RCC1L: variants seen among roughly 807,000 people sequenced by gnomAD.
RCC1L encodes RCC1 like, also known as RCC1-like G exchanging factor-like protein.
RCC1L carries 46 observed loss-of-function variants against 58.6 expected under a neutral mutation model. The ratio of observed to expected loss-of-function variants is 0.79; its 90% confidence interval spans 0.62 to 1.00. The LOEUF is 1.00. Ranked by LOEUF, RCC1L falls within the 50% of genes least tolerant of loss-of-function variation. RCC1L has a pLI of 0.00. For missense variants in RCC1L, 636 were observed against 623.6 expected (o/e 1.02, Z -0.21); for synonymous variants, 281 against 262.9 (o/e 1.07, Z -0.67).
Position 75,073,534 on chromosome 7 carries a change from G to A in RCC1L, c.204C>T (p.Phe68=), listed in dbSNP as rs1376462327. 6.7e-7 allele frequency: 1 copy of A among 1,484,066 alleles called. No individual in the cohort carries two copies. Among genetic ancestry groups the A allele is most frequent in the Non-Finnish European group, 8.9e-7 (1 of 1,126,210 alleles). The allele number at this position is 1,484,066 out of a possible 1,614,324, so 91.9% of individuals were successfully genotyped here. A position where few individuals can be genotyped will look rare whatever the true frequency, so the allele number is the denominator to read the frequency against. The change falls in exon 1 of 11, where the codon TTC becomes TTT. Residue 68 remains phenylalanine (F), a synonymous_variant. Transcript: ENST00000610322. ...AGGAAGGCACGCCCAGCGCCCCCGA[G>A]AAGCTGAAGCCCCACACGAAGACGC... ...ADRVFVWGFS[F]SGALGVPSFV... is the part of the protein sequence containing the mutation.
chr7:75,030,859 G>A (rs1805283309), intron 10 of RCC1L, among the ~76,000 whole-genome samples: 1 of 152,188 alleles, frequency 6.6e-6, no homozygotes, highest in African/African-American at 2.4e-5. Flanking sequence ...TGCAGATGGT[G>A]TTCACAGGGA....
intron 4 of RCC1L, 24 bp from the exon 5 acceptor site, chr7:75,063,367 A>G (rs781817018): frequency 5.4e-5 from 87 of 1,613,550 alleles, no homozygotes; most frequent in African/African-American, 9.3e-5. Context: ...CAAATTGGGA[A>G]GAAGCAAGGG....
intron 10 of RCC1L, among the ~76,000 whole-genome samples, chr7:75,034,737 G>A (rs984231922): frequency 4.6e-5 from 7 of 151,778 alleles, no homozygotes; most frequent in African/African-American, 7.2e-5. Context: ...CTGCAGCCTC[G>A]AACTCCTGGT....
rs782384476 is a variant in RCC1L, at chr7:75,056,065, T to C, written c.1067A>G (p.His356Arg). ...TGCAVLNGEGHVFVWGYGILG... is the reference protein window; with the variant it reads ...TGCAVLNGEGRVFVWGYGILG... ...AATTCCATAGCCCCAGACAAAAACA[T>C]GTCCTTCTCCTACATTACAGTAAAA... is the stretch of plus-strand genomic sequence containing the variant. Residue 356 changes from histidine to arginine, a missense_variant, in exon 9 of 11, where the codon CAT becomes CGT. Coordinates refer to ENST00000610322, the MANE Select transcript of RCC1L (RefSeq NM_030798.5). 1.2e-6 allele frequency: 2 copies of C among 1,613,936 alleles called. No homozygotes were observed. The highest frequency in any genetic ancestry group is 4.5e-5 in the East Asian group (2 of 44,878).
At chr7:75,055,679 C>T in intron 9 of RCC1L, 1 of 603,518 alleles carries the variant, frequency 1.7e-6, no homozygotes, top group South Asian at 2.0e-5. Flanking sequence ...AGCCTACCCA[C>T]AAACCAAACG....
At chr7:75,051,353 C>CAT (rs1166805483) in intron 10 of RCC1L, among the ~76,000 whole-genome samples, 16 of 146,912 alleles carry the variant, frequency 1.1e-4, no homozygotes, top group East Asian at 2.0e-4. Flanking sequence ...TATACACACA[C>CAT]ACATATATAT....
intron 10 of RCC1L, among the ~76,000 whole-genome samples, chr7:75,033,676 C>T (rs1005921708): frequency 4.7e-5 from 7 of 148,886 alleles, no homozygotes; most frequent in African/African-American, 1.7e-4. Context: ...GCCTGGGCAA[C>T]AGGGCGAGTC....
intron 10 of RCC1L, among the ~76,000 whole-genome samples, chr7:75,051,995 C>G (rs1476139540): frequency 6.6e-6 from 1 of 151,958 alleles, no homozygotes; most frequent in Non-Finnish European, 1.5e-5. Flanking sequence ...TTCAAAAAAC[C>G]CCAAAAACCT....
At chr7:75,067,501 C>T (rs1419946019) in intron 2 of RCC1L, among the ~76,000 whole-genome samples, 3 of 151,816 alleles carry the variant, frequency 2.0e-5, no homozygotes, top group African/African-American at 4.8e-5. Context: ...TGATGGTGGA[C>T]GCCTGTAGTC....
At chr7:75,072,222 T>C (rs1806789350) in intron 1 of RCC1L, among the ~76,000 whole-genome samples, 1 of 113,972 alleles carries the variant, frequency 8.8e-6, no homozygotes, top group African/African-American at 3.0e-5. Context: ...AGATGAGTTC[T>C]CACTGTGTTA....
At position 75,042,888 on chromosome 7, in the gene RCC1L, G is replaced by T; in HGVS notation, c.*144C>A. 1.3e-6 allele frequency: 2 copies of T among 1,492,686 alleles called. No individual in the cohort carries two copies. Among genetic ancestry groups the T allele is most frequent in the East Asian group, 2.4e-5 (1 of 40,904 alleles). The allele number at this position is 1,492,686 out of a possible 1,614,324, so 92.5% of individuals were successfully genotyped here. A position where few individuals can be genotyped will look rare whatever the true frequency, so the allele number is the denominator to read the frequency against. On this transcript the variant is annotated 3_prime_UTR_variant, in exon 11 of 11. Transcript: ENST00000610322. Reference sequence around the variant, plus strand: ...GATCCTCCTGGTAGGTACCCGCTAAGGGATTCAGGACAGAGCGTCACACTG... The same window carrying T: ...GATCCTCCTGGTAGGTACCCGCTAATGGATTCAGGACAGAGCGTCACACTG...
intron 10 of RCC1L, among the ~76,000 whole-genome samples, chr7:75,045,974 A>AGG (rs1366614285): frequency 4.6e-5 from 7 of 152,262 alleles, no homozygotes; most frequent in Admixed American, 3.3e-4. Context: ...ACAGCTGGAA[A>AGG]GGGGATCTGT....
In RCC1L at chr7:75,073,781, C is replaced by A. The variant is rs587629766; in HGVS notation, c.-44G>T. Reference sequence around the variant, plus strand: ...GCAGCCTCTGGGCGCCGCCATCTTGCGTGACCCTTAACACCAGTCCTCGCC... The same window carrying A: ...GCAGCCTCTGGGCGCCGCCATCTTGAGTGACCCTTAACACCAGTCCTCGCC... On this transcript the variant is annotated 5_prime_UTR_variant, in exon 1 of 11. Coordinates refer to ENST00000610322, the MANE Select transcript of RCC1L (RefSeq NM_030798.5). The A allele has an allele frequency of 6.8e-5, 101 of 1,495,148 alleles. No individual in the cohort carries two copies. The East Asian group carries it at 2.2e-3, about 32-fold the overall frequency. 92.6% of individuals were successfully genotyped at this position (1,495,148 alleles called of 1,614,324 possible). A position where few individuals can be genotyped will look rare whatever the true frequency, so the allele number is the denominator to read the frequency against.
At chr7:75,051,159 C>A in intron 10 of RCC1L, among the ~76,000 whole-genome samples, 3 of 146,396 alleles carry the variant, frequency 2.0e-5, no homozygotes, top group Non-Finnish European at 1.5e-5. Flanking sequence ...TCAGAGCCTC[C>A]ACCGATAGTC....
At chr7:75,060,767 G>C (rs2131999032) in intron 6 of RCC1L, among the ~76,000 whole-genome samples, 1 of 152,150 alleles carries the variant, frequency 6.6e-6, no homozygotes. Context: ...CAGGGCTGAG[G>C]GGAATGGAAG....
intron 4 of RCC1L, 102 bp from the exon 5 acceptor site, chr7:75,063,445 T>C (rs1023202324): frequency 2.5e-6 from 3 of 1,197,830 alleles, no homozygotes; most frequent in Admixed American, 1.7e-5. Context: ...TCCCCTCCGC[T>C]CACACAGTAA....
chr7:75,037,441 G>A (rs987575522), downstream of RCC1L, among the ~76,000 whole-genome samples: 6 of 151,728 alleles, frequency 4.0e-5, no homozygotes, highest in South Asian at 4.2e-4. Flanking sequence ...CGTCCGCCTC[G>A]GCCTCCCAAA....
At chr7:75,028,058 C>T (rs982335242) in exon 11 of RCC1L, 253 of 1,533,608 alleles carry the variant, frequency 1.6e-4, no homozygotes, top group Middle Eastern at 1.9e-4. Flanking sequence ...GTTGTCTTGG[C>T]GCTGGCGGAT....
intron 10 of RCC1L, among the ~76,000 whole-genome samples, chr7:75,030,622 AG>A (rs1805276638): frequency 6.6e-6 from 1 of 152,190 alleles, no homozygotes; most frequent in Admixed American, 6.5e-5. Context: ...GTCCTTCCCC[AG>A]GTGGGCCAAC....
Sources: gnomAD v4.1 joint callset for allele counts (sites outside exome capture counted in the v4.1 genomes callset) on GRCh38, gnomAD v4.1.1 for gene constraint, MANE v1.5 for transcripts, NCBI Gene and HGNC (gene_info 2026-07-23, HGNC 2026-07-21) for gene names.